Variants in HYDIN observed in about 807,000 individuals in gnomAD.
HYDIN encodes HYDIN axonemal central pair apparatus protein, also known as axonemal central pair apparatus protein HYDIN.
In HYDIN, 132 loss-of-function variants were observed where a neutral mutation model predicts 403.9. The ratio of observed to expected loss-of-function variants is 0.33; its 90% confidence interval spans 0.28 to 0.38. The LOEUF is 0.38. Among genes scored for constraint, HYDIN ranks in the 10% least tolerant of loss-of-function variants. HYDIN has a pLI of 1.00. For synonymous variants in HYDIN, 1,202 were observed against 1,891.7 expected, an observed-to-expected ratio of 0.64 and a Z score of 9.46; for missense variants, 2,827 against 5,009.5, an observed-to-expected ratio of 0.56 and a Z score of 13.15.
At chr16:70,951,608 TCTC>T (rs779437983) in intron 41 of HYDIN, among the ~76,000 whole-genome samples, 2 of 152,030 alleles carry the variant, frequency 1.3e-5, no homozygotes, top group Non-Finnish European at 2.9e-5. Flanking sequence ...CCGGTTCTCT[TCTC>T]CTTTAATTGT....
chr16:70,908,900 T>C (rs752516477), intron 47 of HYDIN, 39 bp from the exon 48 acceptor site: 1 of 1,606,612 alleles, frequency 6.2e-7, no homozygotes, highest in East Asian at 2.2e-5. Context: ...AATATTCACT[T>C]TTTGTACACA....
chr16:71,055,286 T>G (rs1336872404), intron 18 of HYDIN, among the ~76,000 whole-genome samples: 1 of 152,226 alleles, frequency 6.6e-6, no homozygotes, highest in Non-Finnish European at 1.5e-5. Context: ...TTCTACCTAG[T>G]TAAAATGGGA....
At position 70,998,211 on chromosome 16, in the gene HYDIN, CT is replaced by C. The variant is rs1210886411; in HGVS notation, c.3645-6002del. On this transcript the variant is annotated intron_variant, in intron 23 of 85. Transcript: ENST00000393567. ...TAGCACAGTGCCCTGCACAATTACC[CT>C]CAATAAACAACTACAGAATGAACAA... Among the ~76,000 whole-genome samples the C allele has an allele frequency of 3.3e-5, 5 of 152,322 alleles. No individual in the cohort carries two copies. The East Asian group carries it at 7.7e-4, about 23-fold the overall frequency.
At chr16:71,165,401 C>T (rs898752681) in intron 5 of HYDIN, among the ~76,000 whole-genome samples, 13 of 151,854 alleles carry the variant, frequency 8.6e-5, no homozygotes, top group African/African-American at 3.1e-4. Flanking sequence ...CCTGACTGCC[C>T]TATTTTCAAT....
chr16:70,928,515 TA>T (rs1160280149), intron 45 of HYDIN, among the ~76,000 whole-genome samples: 1 of 150,606 alleles, frequency 6.6e-6, no homozygotes, highest in African/African-American at 2.4e-5. Context: ...TAAATGAGGT[TA>T]AATTATTCTA....
At chr16:71,188,385 T>A (rs1290129307) in intron 1 of HYDIN, among the ~76,000 whole-genome samples, 2 of 152,152 alleles carry the variant, frequency 1.3e-5, no homozygotes, top group African/African-American at 2.4e-5. Context: ...GCATCACCAA[T>A]CTTGACATCC....
intron 1 of HYDIN, among the ~76,000 whole-genome samples, chr16:71,191,271 T>C (rs1012623285): frequency 2.6e-5 from 4 of 152,230 alleles, no homozygotes; most frequent in Non-Finnish European, 5.9e-5. Context: ...AAATCATCGT[T>C]TGTTTTGTTG....
chr16:70,810,212 A>G (rs1300301327), intron 84 of HYDIN, among the ~76,000 whole-genome samples: 5 of 152,118 alleles, frequency 3.3e-5, no homozygotes, highest in Admixed American at 1.3e-4. Context: ...AGGTGATTCT[A>G]TATCTGGGAT....
chr16:70,944,010 A>C, intron 41 of HYDIN, 61 bp from the exon 42 acceptor site: 1 of 1,255,254 alleles, frequency 8.0e-7, no homozygotes, highest in Non-Finnish European at 1.1e-6. Context: ...CAACTCCTAC[A>C]CTTACCAGCC....
intron 47 of HYDIN, among the ~76,000 whole-genome samples, chr16:70,915,202 T>G (rs1399717150): frequency 6.6e-6 from 1 of 152,146 alleles, no homozygotes; most frequent in Non-Finnish European, 1.5e-5. Flanking sequence ...TTTGGGGGGC[T>G]ACTAAAGGGC....
chr16:71,044,188 AGGGCGCT>A lies in HYDIN; in HGVS notation c.2530-12278_2530-12272del, dbSNP rs1403067006. 2.1e-5 allele frequency among the ~76,000 whole-genome samples: 3 copies of A among 145,730 alleles called. No homozygotes were observed. In the South Asian group the frequency reaches 7.2e-4, roughly 35 times the overall value. On this transcript the variant is annotated intron_variant, in intron 18 of 85. Transcript: ENST00000393567. ...GCCATATTCTGAGAATTGGGGGAGA[AGGGCGCT>A]GGAATTGTACCTTTCAGTGTGAAGA...
At chr16:70,877,166 A>G (rs1440882728) in intron 62 of HYDIN, among the ~76,000 whole-genome samples, 1 of 147,356 alleles carries the variant, frequency 6.8e-6, no homozygotes, top group Non-Finnish European at 1.5e-5. Context: ...GCCCAGAGGA[A>G]AAGTGAGTGG....
At chr16:71,204,710 T>C (rs1305375065) in intron 1 of HYDIN, among the ~76,000 whole-genome samples, 1 of 152,214 alleles carries the variant, frequency 6.6e-6, no homozygotes, top group Non-Finnish European at 1.5e-5. Flanking sequence ...CTTTTAGTTA[T>C]CACGTTGGTA....
At chr16:70,851,329 G>C (rs1010595145) in intron 73 of HYDIN, among the ~76,000 whole-genome samples, 2 of 151,304 alleles carry the variant, frequency 1.3e-5, no homozygotes, top group Non-Finnish European at 2.9e-5. Flanking sequence ...CTATGCATCT[G>C]ACACAGGTCT....
chr16:70,834,913 T>C (rs1245545195), intron 78 of HYDIN, among the ~76,000 whole-genome samples: 13 of 147,796 alleles, frequency 8.8e-5, no homozygotes, highest in South Asian at 2.1e-4. Flanking sequence ...CACACACACA[T>C]ATATACACAC....
At chr16:70,853,610 T>C (rs2038813165) in intron 73 of HYDIN, among the ~76,000 whole-genome samples, 2 of 144,906 alleles carry the variant, frequency 1.4e-5, no homozygotes, top group Non-Finnish European at 3.0e-5. Context: ...AAGCAATGTA[T>C]GTGTCTGTGA....
chr16:71,125,363 A>G (rs7196061), intron 9 of HYDIN, among the ~76,000 whole-genome samples: 13,175 of 152,216 alleles, frequency 0.087, 1,917 homozygotes, highest in African/African-American at 0.3. Context: ...GTTCAGAGCC[A>G]AACTCGTCAT....
At chr16:70,941,474 C>T (rs1376705672) in intron 43 of HYDIN, 162 bp downstream of exon 43, 11 of 445,206 alleles carry the variant, frequency 2.5e-5, no homozygotes, top group Non-Finnish European at 3.9e-5. Flanking sequence ...GTCAGCAAAG[C>T]GTTCATCATA....
Position 70,961,923 on chromosome 16 carries a change from G to C in HYDIN, c.5968+36C>G, listed in dbSNP as rs748590130. 15 of 1,033,270 alleles carry C rather than the reference G, an allele frequency of 1.5e-5. 2 individuals are homozygous for C. The highest frequency in any genetic ancestry group is 2.6e-4 in the Middle Eastern group (1 of 3,864). 64.0% of individuals were successfully genotyped at this position (1,033,270 alleles called of 1,614,324 possible). A position where few individuals can be genotyped will look rare whatever the true frequency, so the allele number is the denominator to read the frequency against. On this transcript the variant is annotated intron_variant, in intron 38 of 85. Transcript: ENST00000393567. ...TATTGTCTTCCTATTTCTGCTTGGA[G>C]AGAACTAGTATCAAAACACTAAAAT...
Sources: gnomAD v4.1 joint callset for allele counts (sites outside exome capture counted in the v4.1 genomes callset) on GRCh38, gnomAD v4.1.1 for gene constraint, MANE v1.5 for transcripts, NCBI Gene and HGNC (gene_info 2026-07-23, HGNC 2026-07-21) for gene names.